MLXIP: variants seen among roughly 807,000 people sequenced by gnomAD.
The protein encoded by MLXIP is MLX interacting protein.
Under a neutral mutation model 87.2 loss-of-function variants are expected in MLXIP, and 30 were observed. The observed-to-expected ratio is 0.34, with a 90% CI of 0.26 to 0.47. The LOEUF (loss-of-function observed/expected upper bound fraction) is 0.47, where lower values mean the gene tolerates loss of function less well. MLXIP is among the 20% of genes least tolerant of loss of function. The pLI is 1.00. For missense variants in MLXIP, 1,002 were observed against 1,240.1 expected, an observed-to-expected ratio of 0.81 and a Z score of 2.88; for synonymous variants, 530 against 514.0, an observed-to-expected ratio of 1.03 and a Z score of -0.42.
intron 9 of MLXIP, chr12:122,134,394 G>A (rs1009420238): frequency 1.0e-5 from 2 of 191,562 alleles, no homozygotes; most frequent in Non-Finnish European, 2.1e-5. Flanking sequence ...TTGAGATGGA[G>A]TCTCACTCTG....
In MLXIP at chr12:122,130,015, G is replaced by C. The variant is rs967612892; in HGVS notation, c.813G>C (p.Leu271=). 2.5e-6 allele frequency: 4 copies of C among 1,613,936 alleles called. No homozygotes were observed. In the African/African-American group the frequency reaches 5.3e-5, roughly 22 times the overall value. The change falls in exon 6 of 17, where the codon CTG becomes CTC. Residue 271 remains leucine (L), a synonymous_variant. Transcript: ENST00000319080. ...CCGTCCCCATGGAGGAGGATCCCCT[G>C]CTGGACACAGACATGCTCATGTCGG... ...KTPVPMEEDP[L]LDTDMLMSEF...
Position 122,089,009 on chromosome 12 carries a change from C to CAAAAAA in MLXIP, c.413+9761_413+9766dup, listed in dbSNP as rs1177216284. 2.1e-4 allele frequency among the ~76,000 whole-genome samples: 10 copies of CAAAAAA among 47,838 alleles called. No homozygotes were observed. The South Asian group carries it at 2.8e-3, about 14-fold the overall frequency. The allele number at this position is 47,838 out of a possible 152,430, so 31.4% of individuals were successfully genotyped here. On this transcript the variant is annotated intron_variant, in intron 1 of 16. Transcript: ENST00000319080. ...CAATGTAGTGAGACCCCCATCTCTACAAAAAAAAAAAAAAAAAAAAAAATT... is the reference window on the plus strand; with the variant it reads ...CAATGTAGTGAGACCCCCATCTCTACAAAAAAAAAAAAAAAAAAAAAAAAAAAAATT...
intron 9 of MLXIP, chr12:122,134,271 T>C (rs1156620562): frequency 2.2e-5 from 9 of 412,444 alleles, no homozygotes; most frequent in Non-Finnish European, 3.4e-5. Context: ...CTCGGCTCAC[T>C]GCAACCGCCC....
At chr12:122,113,562 C>A (rs1162735125) in intron 1 of MLXIP, among the ~76,000 whole-genome samples, 1 of 151,966 alleles carries the variant, frequency 6.6e-6, no homozygotes, top group Non-Finnish European at 1.5e-5. Flanking sequence ...GCCACCACAT[C>A]CAGCCTATTT....
intron 1 of MLXIP, among the ~76,000 whole-genome samples, chr12:122,118,186 G>A (rs138381173): frequency 2.0e-5 from 3 of 151,872 alleles, no homozygotes; most frequent in African/African-American, 2.4e-5. Flanking sequence ...AAAGGGATGA[G>A]TCATGTCCCA....
intron 1 of MLXIP, among the ~76,000 whole-genome samples, chr12:122,114,474 C>T (rs1424416219): frequency 1.3e-5 from 2 of 152,192 alleles, no homozygotes; most frequent in African/African-American, 4.8e-5. Context: ...ATCCATTCTA[C>T]CCCTGTGGTT....
intron 15 of MLXIP, among the ~76,000 whole-genome samples, chr12:122,140,534 T>G (rs532916395): frequency 6.6e-6 from 1 of 152,224 alleles, no homozygotes; most frequent in Admixed American, 6.5e-5. Flanking sequence ...CCTCAAGTGA[T>G]TCACCCACCT....
chr12:122,140,755 A>G (rs1953184851), intron 15 of MLXIP, 199 bp from the exon 16 acceptor site: 7 of 785,002 alleles, frequency 8.9e-6, no homozygotes, highest in Non-Finnish European at 1.5e-5. Flanking sequence ...TTGTCCAGGT[A>G]CAGTTAGAGC....
At chr12:122,095,716 C>T (rs1432287681) in intron 1 of MLXIP, among the ~76,000 whole-genome samples, 1 of 151,608 alleles carries the variant, frequency 6.6e-6, no homozygotes, top group Non-Finnish European at 1.5e-5. Context: ...CATAGAAAAT[C>T]AGAAATATAG....
chr12:122,079,099 C>T lies in MLXIP; in HGVS notation c.246C>T (p.Phe82=), dbSNP rs1432531432. The T allele has an allele frequency of 6.5e-7, 1 of 1,547,752 alleles. No individual in the cohort carries two copies. Among genetic ancestry groups the T allele is most frequent in the Admixed American group, 2.0e-5 (1 of 50,894 alleles). ...AGCAGATCATCCACAGCGGCCACTT[C>T]ATGGTGTCGTCGCCGCACCGAGAGC... is the stretch of plus-strand genomic sequence containing the variant. ...RRQQIIHSGH[F]MVSSPHREHP... The change falls in exon 1 of 17, where the codon TTC becomes TTT. Residue 82 remains phenylalanine, a synonymous_variant. Coordinates refer to ENST00000319080, the MANE Select transcript of MLXIP (RefSeq NM_014938.6).
chr12:122,111,076 CAAA>C (rs56017387), intron 1 of MLXIP, among the ~76,000 whole-genome samples: 3 of 129,720 alleles, frequency 2.3e-5, no homozygotes, highest in African/African-American at 2.8e-5. Flanking sequence ...GACTCTGTCT[CAAA>C]AAAAAAAAAA....
chr12:122,094,485 GTGTT>G (rs1373216381), intron 1 of MLXIP, among the ~76,000 whole-genome samples: 2 of 132,012 alleles, frequency 1.5e-5, no homozygotes, highest in South Asian at 2.6e-4. Flanking sequence ...GTGTGGGTGT[GTGTT>G]TGCAATGTCT....
At position 122,138,565 on chromosome 12, in the gene MLXIP, C is replaced by T. The variant is rs1953137481; in HGVS notation, c.2384+14C>T. 1.2e-6 allele frequency: 2 copies of T among 1,603,960 alleles called. No homozygotes were observed. The highest frequency in any genetic ancestry group is 1.1e-5 in the South Asian group (1 of 89,796). The stretch of plus-strand genomic sequence containing the variant: ...TGCCACCATCATGTGAGCTTCTGGG[C>T]CTTGGGGCTCCAACCAGGCACCCCA... On this transcript the variant is annotated intron_variant, in intron 14 of 16. Transcript: ENST00000319080.
chr12:122,138,578 A>G (rs955306295), intron 14 of MLXIP, 27 bp downstream of exon 14: 5 of 1,597,760 alleles, frequency 3.1e-6, no homozygotes, highest in Non-Finnish European at 4.3e-6. Context: ...TGGGGCTCCA[A>G]CCAGGCACCC....
chr12:122,112,494 A>G (rs1392233239), intron 1 of MLXIP, among the ~76,000 whole-genome samples: 1 of 152,054 alleles, frequency 6.6e-6, no homozygotes, highest in Non-Finnish European at 1.5e-5. Flanking sequence ...TATATAAAAA[A>G]ATAGCCGGAC....
Position 122,129,999 on chromosome 12 carries a change from T to C in MLXIP, c.797T>C (p.Met266Thr). The C allele has an allele frequency of 6.2e-7, 1 of 1,614,022 alleles. No individual in the cohort carries two copies. The highest frequency in any genetic ancestry group is 8.5e-7 in the Non-Finnish European group (1 of 1,179,890). ...HGDGWKTPVP[M>T]EEDPLLDTDM... ...GATGGATGGAAGACCCCCGTCCCCA[T>C]GGAGGAGGATCCCCTGCTGGACACA... Residue 266 changes from methionine (M) to threonine (T), a missense_variant, in exon 6 of 17, where the codon ATG becomes ACG. Physicochemically the swap from Met to Thr is moderately conservative, Grantham distance 81. Around this residue, in one of 3 missense-constraint regions of MLXIP, gnomAD observed 746 missense variants for 897.0 expected, o/e 0.83. Coordinates refer to ENST00000319080, the MANE Select transcript of MLXIP (RefSeq NM_014938.6).
At chr12:122,107,268 AG>A (rs1434209057) in intron 1 of MLXIP, among the ~76,000 whole-genome samples, 2 of 151,846 alleles carry the variant, frequency 1.3e-5, no homozygotes, top group African/African-American at 4.8e-5. Flanking sequence ...TTCCTGTGTA[AG>A]GGCTAATAAA....
In MLXIP at chr12:122,079,153, C is replaced by A; in HGVS notation, c.300C>A (p.Asp100Glu). 6.4e-7 allele frequency: 1 copy of A among 1,551,224 alleles called. No individual in the cohort carries two copies. The highest frequency in any genetic ancestry group is 8.7e-7 in the Non-Finnish European group (1 of 1,146,864). ...EHPPKKGYDF[D>E]TVNKQTCQTY... ...CGCCCAAGAAGGGCTACGATTTCGA[C>A]ACGGTCAACAAACAGACGTGCCAGA... is the stretch of plus-strand genomic sequence containing the variant. Residue 100 changes from aspartate to glutamate, a missense_variant, in exon 1 of 17, where the codon GAC (aspartate) becomes GAA (glutamate). By Grantham distance (45) the Asp-to-Glu change is conservative. Transcript: ENST00000319080.
chr12:122,145,362 A>G lies in MLXIP; in HGVS notation c.*3550A>G, dbSNP rs1003177602. On this transcript the variant is annotated 3_prime_UTR_variant, in exon 17 of 17. Coordinates refer to ENST00000319080, the MANE Select transcript of MLXIP (RefSeq NM_014938.6). ...GACCACACTCCCTTTTCTAGAAGTC[A>G]ATCCTAAGGTTTCTCTGCTCTGGCT... The G allele has an allele frequency of 6.6e-6, 1 of 152,236 alleles. No homozygotes were observed. The highest frequency in any genetic ancestry group is 1.5e-5 in the Non-Finnish European group (1 of 68,052). The allele number at this position is 152,236 out of a possible 1,614,324, so 9.4% of individuals were successfully genotyped here. A position where few individuals can be genotyped will look rare whatever the true frequency, so the allele number is the denominator to read the frequency against.
Sources: gnomAD v4.1 joint callset for allele counts (sites outside exome capture counted in the v4.1 genomes callset) on GRCh38, gnomAD v4.1.1 for gene constraint, gnomAD v4.1.1 regional missense constraint, MANE v1.5 for transcripts, NCBI Gene and HGNC (gene_info 2026-07-23, HGNC 2026-07-21) for gene names.